The following EDA variants were observed in gnomAD, a reference collection of about 807,000 sequenced individuals.
EDA encodes ectodysplasin A, also known as ectodysplasin-A.
In EDA, 2 loss-of-function variants were observed where a neutral mutation model predicts 23.6. The ratio of observed to expected loss-of-function variants is 0.08; its 90% confidence interval spans 0.03 to 0.27. The LOEUF (loss-of-function observed/expected upper bound fraction) is 0.27, where lower values mean the gene tolerates loss of function less well. EDA is among the 10% of genes least tolerant of loss of function. The pLI is 1.00. For synonymous variants in EDA, 131 were observed against 132.0 expected (o/e 0.99, Z 0.05); for missense variants, 229 against 324.2 (o/e 0.71, Z 2.26).
chrX:69,812,990 T>C (rs948019691), intron 1 of EDA, among the ~76,000 whole-genome samples: 4 of 111,666 alleles, frequency 3.6e-5, no homozygotes, highest in African/African-American at 1.3e-4. Context: ...ACCACCATGG[T>C]TGAGTGCAGC....
chrX:69,918,191 C>CT (rs766734812), intron 1 of EDA, among the ~76,000 whole-genome samples: 55 of 90,967 alleles, frequency 6.0e-4, no homozygotes, highest in African/African-American at 2.1e-3. Context: ...GAGTCTTCCT[C>CT]TGTCACCCAG....
At chrX:69,737,787 G>C (rs2013317793) in intron 1 of EDA, among the ~76,000 whole-genome samples, 1 of 111,449 alleles carries the variant, frequency 9.0e-6, no homozygotes, top group Non-Finnish European at 1.9e-5. Context: ...TTGTTTGCCT[G>C]AAAAGGTCTT....
intron 1 of EDA, among the ~76,000 whole-genome samples, chrX:69,917,127 G>C (rs2018358246): frequency 9.1e-6 from 1 of 110,488 alleles, no homozygotes; most frequent in Non-Finnish European, 1.9e-5. Flanking sequence ...GTAGAGACGG[G>C]GTTTTGCCAT....
intron 2 of EDA, among the ~76,000 whole-genome samples, chrX:70,008,194 A>G (rs1236957837): frequency 1.8e-5 from 2 of 112,151 alleles, no homozygotes; most frequent in African/African-American, 3.2e-5. Flanking sequence ...CTTGTTCCCA[A>G]TCTTAAAGGG....
chrX:69,909,254 C>T (rs974326125), intron 1 of EDA, among the ~76,000 whole-genome samples: 2 of 111,712 alleles, frequency 1.8e-5, no homozygotes, highest in Non-Finnish European at 3.8e-5. Context: ...CTTATTTATA[C>T]CTTCTACAAT....
At chrX:69,817,008 C>T (rs1001640103) in intron 1 of EDA, among the ~76,000 whole-genome samples, 4 of 111,406 alleles carry the variant, frequency 3.6e-5, no homozygotes, top group Admixed American at 9.5e-5. Flanking sequence ...ATACTAACAG[C>T]GGACCTCTCA....
chrX:70,004,539 C>T (rs1417531061), intron 2 of EDA, among the ~76,000 whole-genome samples: 1 of 112,190 alleles, frequency 8.9e-6, no homozygotes, highest in Non-Finnish European at 1.9e-5. Context: ...ATATATTGAG[C>T]TTGCCACGCA....
intron 1 of EDA, among the ~76,000 whole-genome samples, chrX:69,871,443 G>A (rs1191003597): frequency 9.0e-6 from 1 of 111,534 alleles, no homozygotes; most frequent in African/African-American, 3.3e-5. Context: ...CAAAACGGAA[G>A]AACTTGGAAC....
At chrX:69,783,444 A>G (rs1241123077) in intron 1 of EDA, among the ~76,000 whole-genome samples, 1 of 18,207 alleles carries the variant, frequency 5.5e-5, no homozygotes, top group Non-Finnish European at 1.1e-4. Context: ...CCCCTCCCCC[A>G]ACCCCACAAC....
intron 2 of EDA, among the ~76,000 whole-genome samples, chrX:70,004,169 A>G (rs1253562065): frequency 8.9e-6 from 1 of 112,161 alleles, no homozygotes; most frequent in Admixed American, 9.5e-5. Context: ...TGTCTTAACC[A>G]CAGTAATATT....
chrX:69,937,126 C>G, intron 1 of EDA: 6 of 943,223 alleles, frequency 6.4e-6, no homozygotes, highest in Non-Finnish European at 9.1e-6. Context: ...GTGTGTAGCT[C>G]AAAATAAAAT....
chrX:69,975,068 G>T (rs1295212150), intron 2 of EDA, among the ~76,000 whole-genome samples: 1 of 111,627 alleles, frequency 9.0e-6, no homozygotes, highest in Non-Finnish European at 1.9e-5. Context: ...ATTGCTCAAA[G>T]AACTAAAAGT....
At chrX:69,806,089 A>G (rs181220135) in intron 1 of EDA, among the ~76,000 whole-genome samples, 2 of 111,323 alleles carry the variant, frequency 1.8e-5, no homozygotes, top group Admixed American at 1.9e-4. Context: ...GTAATTACTC[A>G]TTGCCACATT....
intron 1 of EDA, among the ~76,000 whole-genome samples, chrX:69,830,572 C>CA (rs368844852): frequency 8.4e-4 from 92 of 110,098 alleles, no homozygotes; most frequent in African/African-American, 2.6e-3. Context: ...CTTTGAAAAT[C>CA]AAAAAAAAGA....
chrX:69,835,034 T>C (rs931199974), intron 1 of EDA, among the ~76,000 whole-genome samples: 8 of 77,239 alleles, frequency 1.0e-4, no homozygotes, highest in Non-Finnish European at 2.1e-4. Flanking sequence ...GAATGTTAAA[T>C]ATCGGACCCC....
At chrX:69,974,961 A>G (rs781472379) in intron 2 of EDA, among the ~76,000 whole-genome samples, 7 of 111,978 alleles carry the variant, frequency 6.3e-5, no homozygotes, top group Non-Finnish European at 1.1e-4. Flanking sequence ...AAGTCAAAAA[A>G]TAACAAATGC....
At chrX:69,744,814 A>G (rs936125307) in intron 1 of EDA, among the ~76,000 whole-genome samples, 1 of 111,677 alleles carries the variant, frequency 9.0e-6, no homozygotes, top group Non-Finnish European at 1.9e-5. Context: ...ATTAGGTTGT[A>G]TCATCCTCAT....
chrX:69,723,641 T>A (rs981637632), intron 1 of EDA, among the ~76,000 whole-genome samples: 1 of 112,117 alleles, frequency 8.9e-6, no homozygotes, highest in African/African-American at 3.2e-5. Flanking sequence ...TCCTCTGAGT[T>A]AAAGTTGGTA....
Position 69,749,922 on chromosome X carries a change from C to CTTTTTTTTT in EDA, c.396+133237_396+133245dup, listed in dbSNP as rs1569317439. Among the ~76,000 whole-genome samples the CTTTTTTTTT allele has an allele frequency of 1.1e-3, 37 of 33,251 alleles. 14 individuals carry two copies. Among genetic ancestry groups the CTTTTTTTTT allele is most frequent in the African/African-American group, 1.8e-3 (22 of 12,205 alleles). 28.9% of individuals were successfully genotyped at this position (33,251 alleles called of 115,157 possible). On this transcript the variant is annotated intron_variant, in intron 1 of 7. Transcript: ENST00000374552. ...TTAGAAACTTCCTCTCACTAAGGTT[C>CTTTTTTTTT]TTTTTTTTTTTTTTTTTTTTTTTTT...
Sources: allele counts gnomAD v4.1 joint callset (sites outside exome capture counted in the v4.1 genomes callset), GRCh38; gene constraint gnomAD v4.1.1; transcripts MANE v1.5; gene names NCBI Gene and HGNC (gene_info 2026-07-23, HGNC 2026-07-21).